Variants in WWOX observed in about 807,000 individuals in gnomAD.
The protein encoded by WWOX is WW domain containing oxidoreductase, also known as WW domain-containing oxidoreductase.
In WWOX, 69 loss-of-function variants were observed where a neutral mutation model predicts 46.2. The ratio of observed to expected loss-of-function variants is 1.49; its 90% CI spans 1.23 to 1.82. The LOEUF is 1.82. WWOX is among the 40% of genes most tolerant of loss of function. The probability of loss-of-function intolerance (pLI) is 0.00; values close to 1 mark genes in which losing one functional copy is unlikely to be tolerated. For synonymous variants in WWOX, 359 were observed against 202.6 expected (o/e 1.77, Z -6.56); for missense variants, 919 against 542.6 (o/e 1.69, Z -6.89).
chr16:78,831,928 T>G (rs1259338682), intron 8 of WWOX, among the ~76,000 whole-genome samples: 1 of 152,176 alleles, frequency 6.6e-6, no homozygotes, highest in East Asian at 1.9e-4. Flanking sequence ...CCTTCCTCTT[T>G]CCTCACTTTT....
intron 8 of WWOX, among the ~76,000 whole-genome samples, chr16:78,952,580 T>TGCCA (rs900019126): frequency 6.6e-6 from 1 of 151,898 alleles, no homozygotes; most frequent in African/African-American, 2.4e-5. Context: ...ACGGGGTTTC[T>TGCCA]GCCATGTTGG....
At chr16:78,841,481 A>G (rs946289988) in intron 8 of WWOX, among the ~76,000 whole-genome samples, 10 of 152,216 alleles carry the variant, frequency 6.6e-5, no homozygotes, top group Non-Finnish European at 1.2e-4. Context: ...TACACCATGG[A>G]AAGTGGCAAA....
intron 8 of WWOX, among the ~76,000 whole-genome samples, chr16:78,832,848 C>G (rs1343340085): frequency 6.6e-6 from 1 of 152,108 alleles, no homozygotes; most frequent in Non-Finnish European, 1.5e-5. Context: ...CAGATGACAT[C>G]CATTTATAAT....
At chr16:78,502,839 C>G (rs1370292601) in intron 8 of WWOX, among the ~76,000 whole-genome samples, 2 of 152,052 alleles carry the variant, frequency 1.3e-5, no homozygotes, top group Non-Finnish European at 2.9e-5. Context: ...TACAGTATGA[C>G]TCGTAACTGT....
intron 8 of WWOX, among the ~76,000 whole-genome samples, chr16:78,990,399 C>T (rs193293056): frequency 6.6e-6 from 1 of 152,216 alleles, no homozygotes; most frequent in African/African-American, 2.4e-5. Context: ...CTCTGCACGA[C>T]CTAGTTCTGG....
At chr16:78,382,702 A>C (rs1306303021) in intron 5 of WWOX, among the ~76,000 whole-genome samples, 1 of 152,162 alleles carries the variant, frequency 6.6e-6, no homozygotes, top group Non-Finnish European at 1.5e-5. Context: ...TCTTAATGAA[A>C]GTCATGGTTT....
intron 5 of WWOX, among the ~76,000 whole-genome samples, chr16:78,210,653 A>C (rs1346998995): frequency 2.0e-5 from 3 of 152,162 alleles, no homozygotes; most frequent in Admixed American, 6.5e-5. Flanking sequence ...GGCTTGTTTA[A>C]AGTTTTTAAT....
intron 8 of WWOX, among the ~76,000 whole-genome samples, chr16:79,156,171 C>T (rs758426201): frequency 6.6e-5 from 10 of 151,994 alleles, no homozygotes; most frequent in Admixed American, 3.9e-4. Flanking sequence ...GGAGGTTGTT[C>T]GTTTCTTTGA....
In WWOX at chr16:78,667,305, A is replaced by G. The variant is rs116256305; in HGVS notation, c.1056+234553A>G. On this transcript the variant is annotated intron_variant, in intron 8 of 8. Coordinates refer to ENST00000566780, the MANE Select transcript of WWOX (RefSeq NM_016373.4). The stretch of plus-strand genomic sequence containing the variant: ...TTTAACACCATTTTCAAGCTTGGAC[A>G]GGCTGACATTTTTATTGAATGGGTT... 2.0e-3 allele frequency among the ~76,000 whole-genome samples: 305 copies of G among 152,324 alleles called. 1 individual carries two copies. Among genetic ancestry groups the G allele is most frequent in the African/African-American group, 7.0e-3 (292 of 41,576 alleles).
At position 79,113,117 on chromosome 16, in the gene WWOX, A is replaced by G. The variant is rs929509798; in HGVS notation, c.1057-98491A>G. Among the ~76,000 whole-genome samples, 7 of 152,268 alleles carry G rather than the reference A, an allele frequency of 4.6e-5. No individual in the cohort carries two copies. The East Asian group carries it at 9.6e-4, about 21-fold the overall frequency. ...AGAGATTAAGCAATCAGAAAAACAT[A>G]TGTGTGTGTAATTACACGTTGTGAT... is the stretch of plus-strand genomic sequence containing the variant. On this transcript the variant is annotated intron_variant, in intron 8 of 8. Transcript: ENST00000566780.
intron 5 of WWOX, among the ~76,000 whole-genome samples, chr16:78,266,481 C>T (rs535858296): frequency 3.3e-5 from 5 of 152,158 alleles, no homozygotes; most frequent in Non-Finnish European, 7.3e-5. Flanking sequence ...ACTATCATCT[C>T]CACGTCTGCC....
At chr16:78,219,391 A>G (rs931757867) in intron 5 of WWOX, among the ~76,000 whole-genome samples, 9 of 152,202 alleles carry the variant, frequency 5.9e-5, no homozygotes, top group African/African-American at 1.9e-4. Context: ...ATGGACATTA[A>G]GCAATATCTT....
chr16:78,620,532 A>G (rs1440100419), intron 8 of WWOX, among the ~76,000 whole-genome samples: 1 of 152,168 alleles, frequency 6.6e-6, no homozygotes, highest in Non-Finnish European at 1.5e-5. Flanking sequence ...TAGACACTAG[A>G]TAGTGGGTAG....
intron 8 of WWOX, chr16:78,996,228 G>C: frequency 1.0e-6 from 1 of 985,044 alleles, no homozygotes; most frequent in Non-Finnish European, 1.2e-6. Flanking sequence ...GTGGATAGAA[G>C]AAGTAACCTT....
intron 8 of WWOX, among the ~76,000 whole-genome samples, chr16:78,717,003 A>G (rs1174753087): frequency 6.6e-6 from 1 of 152,092 alleles, no homozygotes; most frequent in African/African-American, 2.4e-5. Flanking sequence ...GGCTAATAAC[A>G]CCTCCCATGG....
At chr16:78,935,836 C>T (rs60018785) in intron 8 of WWOX, among the ~76,000 whole-genome samples, 433 of 152,090 alleles carry the variant, frequency 2.8e-3, no homozygotes, top group African/African-American at 9.9e-3. Flanking sequence ...CACTTCAGCT[C>T]AGGTGGTAGA....
chr16:78,279,103 A>C (rs1477396167), intron 5 of WWOX, among the ~76,000 whole-genome samples: 1 of 152,222 alleles, frequency 6.6e-6, no homozygotes, highest in Non-Finnish European at 1.5e-5. Context: ...ATGGCTATTC[A>C]GATGAAAAAT....
chr16:78,818,474 T>A (rs953945297), intron 8 of WWOX, among the ~76,000 whole-genome samples: 1 of 152,220 alleles, frequency 6.6e-6, no homozygotes, highest in African/African-American at 2.4e-5. Flanking sequence ...CTCATGCCTG[T>A]AATCCCAGCA....
chr16:78,266,774 G>A (rs1469684634), intron 5 of WWOX, among the ~76,000 whole-genome samples: 2 of 103,522 alleles, frequency 1.9e-5, no homozygotes, highest in Non-Finnish European at 4.2e-5. Context: ...ATAAATGCAA[G>A]TTCTATTCTT....
Sources: allele counts gnomAD v4.1 joint callset (sites outside exome capture counted in the v4.1 genomes callset), GRCh38; gene constraint gnomAD v4.1.1; transcripts MANE v1.5; gene names NCBI Gene and HGNC (gene_info 2026-07-23, HGNC 2026-07-21).